Variants in AUTS2 observed in about 807,000 individuals in gnomAD.
The protein encoded by AUTS2 is activator of transcription and developmental regulator AUTS2.
A neutral mutation model predicts 112.4 loss-of-function variants in AUTS2; 17 were observed. That is an observed-to-expected ratio of 0.15 (90% CI 0.10 to 0.23). AUTS2 has a LOEUF of 0.23. Ranked by LOEUF, AUTS2 falls within the 10% of genes least tolerant of loss-of-function variation. The pLI, the probability that AUTS2 is intolerant of heterozygous loss-of-function variation, is 1.00. For synonymous variants in AUTS2, 751 were observed against 702.7 expected (o/e 1.07, Z -1.09); for missense variants, 1,510 against 1,701.6 (o/e 0.89, Z 1.98).
intron 7 of AUTS2, among the ~76,000 whole-genome samples, chr7:70,763,895 A>C (rs892175221): frequency 6.6e-6 from 1 of 152,148 alleles, no homozygotes; most frequent in African/African-American, 2.4e-5. Flanking sequence ...CATTTAGAGA[A>C]AGTGAGAAAT....
At chr7:70,355,015 T>TGG (rs1791933980) in intron 4 of AUTS2, among the ~76,000 whole-genome samples, 7 of 150,618 alleles carry the variant, frequency 4.6e-5, no homozygotes, top group African/African-American at 1.7e-4. Context: ...TGTGTATGTA[T>TGG]GTGTGTGTGT....
intron 1 of AUTS2, among the ~76,000 whole-genome samples, chr7:69,778,792 CT>C (rs1239761799): frequency 6.6e-6 from 1 of 152,076 alleles, no homozygotes. Flanking sequence ...ATGAGTGGGA[CT>C]GAGGTGTGGG....
intron 1 of AUTS2, among the ~76,000 whole-genome samples, chr7:69,841,008 T>A (rs1473089880): frequency 6.6e-6 from 1 of 152,174 alleles, no homozygotes; most frequent in Non-Finnish European, 1.5e-5. Flanking sequence ...GGGGAAAGTA[T>A]ACCCTTAACA....
chr7:70,764,097 G>T (rs940641064), intron 7 of AUTS2, among the ~76,000 whole-genome samples: 9 of 152,160 alleles, frequency 5.9e-5, no homozygotes, highest in South Asian at 4.1e-4. Flanking sequence ...GAGGCTGTGT[G>T]TCTTTGTTAC....
intron 1 of AUTS2, among the ~76,000 whole-genome samples, chr7:69,620,523 G>A (rs888554249): frequency 6.6e-6 from 1 of 152,182 alleles, no homozygotes; most frequent in Non-Finnish European, 1.5e-5. Flanking sequence ...TTAGATGTTA[G>A]ATGGATGACG....
At chr7:70,023,999 C>G (rs950854519) in intron 2 of AUTS2, among the ~76,000 whole-genome samples, 4 of 152,190 alleles carry the variant, frequency 2.6e-5, no homozygotes, top group African/African-American at 7.2e-5. Context: ...TGGCACACAG[C>G]AGGTCCACAA....
chr7:70,568,175 A>C (rs979670586), intron 5 of AUTS2, among the ~76,000 whole-genome samples: 1 of 152,158 alleles, frequency 6.6e-6, no homozygotes, highest in African/African-American at 2.4e-5. Context: ...GCACATGTTC[A>C]CTTTCTAATA....
At chr7:70,306,915 A>C (rs1190919258) in intron 4 of AUTS2, among the ~76,000 whole-genome samples, 1 of 152,224 alleles carries the variant, frequency 6.6e-6, no homozygotes, top group African/African-American at 2.4e-5. Context: ...GAGCTGGACT[A>C]AGCCATCTCA....
At chr7:70,129,133 A>G (rs1245907468) in intron 3 of AUTS2, among the ~76,000 whole-genome samples, 1 of 152,070 alleles carries the variant, frequency 6.6e-6, no homozygotes, top group Non-Finnish European at 1.5e-5. Context: ...GGAGGCTGAC[A>G]AGTCCCAAGA....
intron 1 of AUTS2, among the ~76,000 whole-genome samples, chr7:69,608,040 A>G (rs1042574145): frequency 6.6e-6 from 1 of 152,010 alleles, no homozygotes; most frequent in African/African-American, 2.4e-5. Context: ...GGCTCAGGTG[A>G]TCTTCCCACC....
At chr7:70,746,849 AT>A (rs769475023) in intron 6 of AUTS2, among the ~76,000 whole-genome samples, 1 of 152,222 alleles carries the variant, frequency 6.6e-6, no homozygotes, top group Non-Finnish European at 1.5e-5. Context: ...TATTGTCAGC[AT>A]GATCGATTTA....
chr7:69,769,983 G>A (rs1450660470), intron 1 of AUTS2, among the ~76,000 whole-genome samples: 1 of 152,222 alleles, frequency 6.6e-6, no homozygotes, highest in African/African-American at 2.4e-5. Context: ...GGCATTTGTG[G>A]TGGATGGTCA....
At chr7:69,762,883 A>G (rs1247563831) in intron 1 of AUTS2, among the ~76,000 whole-genome samples, 2 of 152,180 alleles carry the variant, frequency 1.3e-5, no homozygotes, top group African/African-American at 4.8e-5. Context: ...GGAGAATTGC[A>G]TGTTCTTACA....
intron 4 of AUTS2, among the ~76,000 whole-genome samples, chr7:70,333,116 A>C (rs891624063): frequency 1.3e-5 from 2 of 152,266 alleles, no homozygotes; most frequent in African/African-American, 4.8e-5. Context: ...CAAATTTACA[A>C]GAAAGAAACA....
intron 1 of AUTS2, among the ~76,000 whole-genome samples, chr7:69,835,424 A>G (rs1040904184): frequency 6.6e-6 from 1 of 152,144 alleles, no homozygotes; most frequent in Non-Finnish European, 1.5e-5. Context: ...ACAGTACTCT[A>G]GGGAGAGGCC....
rs554720785 is a variant in AUTS2, at chr7:70,568,666, G to A, written c.691-129903G>A. Among the ~76,000 whole-genome samples, 42 of 152,280 alleles carry A rather than the reference G, an allele frequency of 2.8e-4. 1 individual carries two copies. Among genetic ancestry groups the A allele is most frequent in the African/African-American group, 9.1e-4 (38 of 41,552 alleles). Reference sequence around the variant, plus strand: ...GCTGTGCTGGGGTTTGAGGTCTCTCGTTCAGACCAGGTATGTGAGGGCTTG... The same window carrying A: ...GCTGTGCTGGGGTTTGAGGTCTCTCATTCAGACCAGGTATGTGAGGGCTTG... On this transcript the variant is annotated intron_variant, in intron 5 of 18. Coordinates refer to ENST00000342771, the MANE Select transcript of AUTS2 (RefSeq NM_015570.4).
intron 6 of AUTS2, among the ~76,000 whole-genome samples, chr7:70,726,101 T>C (rs1036230626): frequency 2.1e-4 from 32 of 152,126 alleles, no homozygotes; most frequent in Non-Finnish European, 8.8e-5. Context: ...GGTCAGGATT[T>C]ACTATGTTAA....
At chr7:69,894,253 T>TC (rs1794644808) in intron 1 of AUTS2, among the ~76,000 whole-genome samples, 1 of 18,312 alleles carries the variant, frequency 5.5e-5, no homozygotes, top group Non-Finnish European at 1.1e-4. Context: ...CCTTAAAGCG[T>TC]TTTTTTTTTT....
intron 1 of AUTS2, among the ~76,000 whole-genome samples, chr7:69,606,045 C>T (rs1390321511): frequency 6.6e-6 from 1 of 151,694 alleles, no homozygotes; most frequent in Non-Finnish European, 1.5e-5. Context: ...CTACTTGCAC[C>T]TTTTTTTTGG....
Sources: gnomAD v4.1 joint callset for allele counts (sites outside exome capture counted in the v4.1 genomes callset) on GRCh38, gnomAD v4.1.1 for gene constraint, MANE v1.5 for transcripts, NCBI Gene and HGNC (gene_info 2026-07-23, HGNC 2026-07-21) for gene names.